Variants in HNRNPCL3 observed in about 807,000 individuals in gnomAD.
The protein encoded by HNRNPCL3 is heterogeneous nuclear ribonucleoprotein C like 3.
For missense variants in HNRNPCL3, 4 were observed against 247.5 expected (o/e 0.02, Z 6.60); for synonymous variants, 2 against 90.8 (o/e 0.02, Z 5.56).
intron 1 of HNRNPCL3, 102 bp downstream of exon 1, chr1:13,061,032 C>CT (rs1341259029): frequency 4.9e-5 from 3 of 61,720 alleles, no homozygotes; most frequent in East Asian, 3.9e-4. Context: ...TATATCCTGT[C>CT]TTTTTTTTCT....
In HNRNPCL3 at chr1:13,061,972, G is replaced by GC. The variant is rs1454963260; in HGVS notation, c.648_649insC (p.Asn217GlnfsTer3). 1.2e-5 allele frequency: 6 copies of GC among 512,968 alleles called. No homozygotes were observed. In the Admixed American group the frequency reaches 1.6e-4, roughly 14 times the overall value. 31.8% of individuals were successfully genotyped at this position (512,968 alleles called of 1,614,324 possible). ...ATTGCAAGCAAGGAGTAGAGGTAAA[G>GC]AATGCTAAGTCTGAAGAGGAGCAGA... On this transcript the variant is annotated frameshift_variant, in exon 2 of 2. Coordinates refer to ENST00000617807, the MANE Select transcript of HNRNPCL3 (RefSeq NM_001382358.1). LOFTEE classifies it high-confidence loss of function.
Position 13,061,559 on chromosome 1 carries a change from G to GT in HNRNPCL3, c.237dup (p.Val80CysfsTer4). 1 of 1,560,466 alleles carries GT rather than the reference G, an allele frequency of 6.4e-7. No individual in the cohort carries two copies. The highest frequency in any genetic ancestry group is 8.8e-7 in the Non-Finnish European group (1 of 1,140,530). Reference sequence around the variant, plus strand: ...GGATGGCAGAATGATTGCTAGCCAGGTTGTAGATATTAACCTGGCTGCAGA... The same window carrying GT: ...GGATGGCAGAATGATTGCTAGCCAGGTTTGTAGATATTAACCTGGCTGCAGA... On this transcript the variant is annotated frameshift_variant, in exon 2 of 2. Coordinates refer to ENST00000617807, the MANE Select transcript of HNRNPCL3 (RefSeq NM_001382358.1). LOFTEE classifies it high-confidence loss of function.
chr1:13,062,169 A>ATG lies in HNRNPCL3; in HGVS notation c.846_847dup (p.Asp283ValfsTer43). The ATG allele has an allele frequency of 7.8e-6, 2 of 256,420 alleles. No homozygotes were observed. Among genetic ancestry groups the ATG allele is most frequent in the East Asian group, 1.2e-4 (2 of 16,854 alleles). 15.9% of individuals were successfully genotyped at this position (256,420 alleles called of 1,614,324 possible). ...GAAAAAGGGGCTGAGGAAGGAGAGG[A>ATG]TGACAGAGACAGGGCGAATGGCCAG... On this transcript the variant is annotated frameshift_variant, in exon 2 of 2. Coordinates refer to ENST00000617807, the MANE Select transcript of HNRNPCL3 (RefSeq NM_001382358.1). LOFTEE classifies it high-confidence loss of function.
At position 13,061,792 on chromosome 1, in the gene HNRNPCL3, CA is replaced by C. The variant is rs1642299148; in HGVS notation, c.472del (p.Ser158ValfsTer18). 1.5e-6 allele frequency: 2 copies of C among 1,355,498 alleles called. No individual in the cohort carries two copies. Among genetic ancestry groups the C allele is most frequent in the Admixed American group, 3.6e-5 (2 of 55,034 alleles). 84.0% of individuals were successfully genotyped at this position (1,355,498 alleles called of 1,614,324 possible). A position where few individuals can be genotyped will look rare whatever the true frequency, so the allele number is the denominator to read the frequency against. The part of the protein sequence containing the change: ...RISGNTSRRG[K>X]SGFNSKSGKR... ...TATCAGGAAACACCTCACGAAGGGG[CA>C]AAAGTGGCTTCAATTCTAAGAGTGG... On this transcript the variant is annotated frameshift_variant, in exon 2 of 2. Transcript: ENST00000617807. LOFTEE classifies it high-confidence loss of function.
chr1:13,062,108 CA>C lies in HNRNPCL3; in HGVS notation c.785del (p.Gln262ArgfsTer8), dbSNP rs1378487188. ...ACTGTGTGATGATGATAATGAAGAT[CA>C]GGGGGACAACCAGCTGGAGTTGATC... ...DLLCDDDNED[Q>X]GDNQLELIKD... is the part of the protein sequence containing the mutation. On this transcript the variant is annotated frameshift_variant, in exon 2 of 2. Transcript: ENST00000617807. LOFTEE classifies it high-confidence loss of function. 7,099 of 351,544 alleles carry C rather than the reference CA, an allele frequency of 0.02. 10 individuals carry two copies. Among genetic ancestry groups the C allele is most frequent in the Non-Finnish European group, 0.024 (5,165 of 213,010 alleles). 21.8% of individuals were successfully genotyped at this position (351,544 alleles called of 1,614,324 possible). A position where few individuals can be genotyped will look rare whatever the true frequency, so the allele number is the denominator to read the frequency against.
Sources: gnomAD v4.1 joint callset for allele counts on GRCh38, gnomAD v4.1.1 for gene constraint, MANE v1.5 for transcripts, NCBI Gene and HGNC (gene_info 2026-07-23, HGNC 2026-07-21) for gene names.